The following ABLIM1 variants were observed in gnomAD, a reference collection of about 807,000 sequenced individuals.
The protein encoded by ABLIM1 is actin-binding LIM protein 1.
Under a neutral mutation model 107.0 loss-of-function variants are expected in ABLIM1, and 40 were observed. That is an observed-to-expected ratio of 0.37 (90% confidence interval 0.29 to 0.49). ABLIM1 has a LOEUF of 0.49. Among genes scored for constraint, ABLIM1 ranks in the 20% least tolerant of loss-of-function variants. The pLI is 0.97. For synonymous variants in ABLIM1, 357 were observed against 357.3 expected (o/e 1.00, Z 0.01); for missense variants, 857 against 1,008.5 (o/e 0.85, Z 2.04).
intron 1 of ABLIM1, among the ~76,000 whole-genome samples, chr10:114,682,724 A>T (rs2080798977): frequency 6.6e-6 from 1 of 152,178 alleles, no homozygotes; most frequent in Non-Finnish European, 1.5e-5. Flanking sequence ...CAAATACCTT[A>T]AAAATATGCC....
At chr10:114,715,781 T>A (rs1034273417) in intron 1 of ABLIM1, among the ~76,000 whole-genome samples, 16 of 152,020 alleles carry the variant, frequency 1.1e-4, no homozygotes, top group African/African-American at 2.9e-4. Context: ...AGTACATATA[T>A]CTAAAAAAAA....
the ABLIM1 span, among the ~76,000 whole-genome samples, chr10:114,781,837 A>G: frequency 1.3e-5 from 2 of 151,982 alleles, no homozygotes; most frequent in Non-Finnish European, 2.9e-5. Flanking sequence ...TCACAGTCTG[A>G]CCAATTAAAT....
chr10:114,590,823 C>T (rs1048985105), intron 2 of ABLIM1, among the ~76,000 whole-genome samples: 5 of 152,092 alleles, frequency 3.3e-5, no homozygotes, highest in Non-Finnish European at 7.4e-5. Flanking sequence ...TACTCCAAAC[C>T]CTTCTGCATG....
chr10:114,464,554 A>G (rs11815815), intron 12 of ABLIM1, among the ~76,000 whole-genome samples: 225 of 152,340 alleles, frequency 1.5e-3, no homozygotes, highest in African/African-American at 5.2e-3. Flanking sequence ...CTGGGCATGA[A>G]TAAAATGAAT....
At chr10:114,515,220 G>A (rs192696507) in intron 6 of ABLIM1, among the ~76,000 whole-genome samples, 5 of 152,294 alleles carry the variant, frequency 3.3e-5, no homozygotes, top group African/African-American at 1.2e-4. Context: ...TTCCCGCAGC[G>A]GCCATGTCAA....
intron 21 of ABLIM1, among the ~76,000 whole-genome samples, chr10:114,438,173 G>C (rs1020704048): frequency 6.6e-6 from 1 of 152,174 alleles, no homozygotes. Context: ...GGGCTTTGTT[G>C]AGTGGCAGAA....
chr10:114,786,359 TA>T, the ABLIM1 span, among the ~76,000 whole-genome samples: 1 of 152,184 alleles, frequency 6.6e-6, no homozygotes, highest in African/African-American at 2.4e-5. Flanking sequence ...AAAATATCCA[TA>T]AAGTATAAAA....
At chr10:114,767,314 CT>C (rs1238884234) in intron 1 of ABLIM1, among the ~76,000 whole-genome samples, 1 of 152,156 alleles carries the variant, frequency 6.6e-6, no homozygotes. Context: ...TCTTTAAATG[CT>C]TACGGCAAAG....
At chr10:114,741,788 G>A (rs962860224) in intron 1 of ABLIM1, among the ~76,000 whole-genome samples, 2 of 152,080 alleles carry the variant, frequency 1.3e-5, no homozygotes, top group African/African-American at 2.4e-5. Flanking sequence ...GATTCTTTTT[G>A]TTCACCACAA....
rs541504016 is a variant in ABLIM1, at chr10:114,716,410, A to AAAAAAC, written c.-213+51650_-213+51651insGTTTTT. Among the ~76,000 whole-genome samples the AAAAAAC allele has an allele frequency of 2.3e-3, 324 of 143,626 alleles. 1 individual carries two copies. The highest frequency in any genetic ancestry group is 8.1e-3 in the African/African-American group (313 of 38,426). The allele number at this position is 143,626 out of a possible 152,430, so 94.2% of individuals were successfully genotyped here. ...TAGTGTTCTCAAATTGGTAGAGAGA[A>AAAAAAC]ACACACACACACACACACACACACA... On this transcript the variant is annotated intron_variant, in intron 1 of 15. Coordinates refer to the ABLIM1 transcript ENST00000651092.
chr10:114,473,862 C>T lies in ABLIM1; in HGVS notation c.1119+17G>A, dbSNP rs1290065282. The T allele has an allele frequency of 6.9e-6, 11 of 1,591,696 alleles. No individual in the cohort carries two copies. Among genetic ancestry groups the T allele is most frequent in the Non-Finnish European group, 9.5e-6 (11 of 1,162,526 alleles). ...TTACCTGTCCCAGAAATGTCACTTC[C>T]AGAAGTAGATACTTACATAGATAGT... On this transcript the variant is annotated intron_variant, in intron 9 of 22. Coordinates refer to ENST00000533213, the MANE Select transcript of ABLIM1 (RefSeq NM_002313.7).
chr10:114,534,406 T>C (rs2065771370), intron 6 of ABLIM1, among the ~76,000 whole-genome samples: 2 of 151,600 alleles, frequency 1.3e-5, no homozygotes, highest in Non-Finnish European at 2.9e-5. Flanking sequence ...GCTGTGTCTC[T>C]CTGCTATTGA....
In ABLIM1 at chr10:114,518,433, T is replaced by C. The variant is rs188875585; in HGVS notation, c.895-26555A>G. Among the ~76,000 whole-genome samples, 321 of 151,852 alleles carry C rather than the reference T, an allele frequency of 2.1e-3. 2 individuals are homozygous for C. Among genetic ancestry groups the C allele is most frequent in the African/African-American group, 7.6e-3 (313 of 41,446 alleles). ...ATTTTCAGCTTTGTGGACTACGCTG[T>C]CTCTGTCTCAGCTACTCAAGGCTGG... On this transcript the variant is annotated intron_variant, in intron 6 of 22. Coordinates refer to ENST00000533213, the MANE Select transcript of ABLIM1 (RefSeq NM_002313.7).
At chr10:114,514,792 G>C (rs533330056) in intron 6 of ABLIM1, among the ~76,000 whole-genome samples, 19 of 152,330 alleles carry the variant, frequency 1.2e-4, no homozygotes, top group Admixed American at 4.6e-4. Flanking sequence ...TTTAGCAGAA[G>C]TTAAGACTAT....
chr10:114,708,763 G>C (rs1434303238), intron 1 of ABLIM1, among the ~76,000 whole-genome samples: 1 of 152,170 alleles, frequency 6.6e-6, no homozygotes, highest in Non-Finnish European at 1.5e-5. Flanking sequence ...TCTGGGGTCA[G>C]TTTTTTAATG....
intron 1 of ABLIM1, among the ~76,000 whole-genome samples, chr10:114,703,813 A>ACCCT (rs2081352655): frequency 6.6e-6 from 1 of 152,246 alleles, no homozygotes; most frequent in Admixed American, 6.5e-5. Context: ...AGGGTCGCAG[A>ACCCT]TAGAGGCTGG....
At chr10:114,468,488 A>G (rs2133775111) in intron 10 of ABLIM1, among the ~76,000 whole-genome samples, 1 of 152,110 alleles carries the variant, frequency 6.6e-6, no homozygotes, top group East Asian at 2.0e-4. Flanking sequence ...GTTAGTCAGG[A>G]TGGTCTCTAT....
intron 1 of ABLIM1, among the ~76,000 whole-genome samples, chr10:114,671,689 T>C (rs1022216476): frequency 6.6e-6 from 1 of 152,218 alleles, no homozygotes; most frequent in Non-Finnish European, 1.5e-5. Flanking sequence ...GTAAATAAAG[T>C]TTTATTGAAA....
At chr10:114,655,070 C>T (rs953439139) in intron 1 of ABLIM1, among the ~76,000 whole-genome samples, 1 of 152,268 alleles carries the variant, frequency 6.6e-6, no homozygotes, top group South Asian at 2.1e-4. Flanking sequence ...TAGGGATAGG[C>T]CTGCTCAAAG....
Sources: allele counts gnomAD v4.1 joint callset (sites outside exome capture counted in the v4.1 genomes callset), GRCh38; gene constraint gnomAD v4.1.1; transcripts MANE v1.5; gene names NCBI Gene and HGNC (gene_info 2026-07-23, HGNC 2026-07-21).